Variants in GATAD2B observed in about 807,000 individuals in gnomAD.
GATAD2B encodes the protein transcriptional repressor p66-beta.
Under a neutral mutation model 64.3 loss-of-function variants are expected in GATAD2B, and 8 were observed. The ratio of observed to expected loss-of-function variants is 0.12; its 90% CI spans 0.07 to 0.22. The LOEUF (loss-of-function observed/expected upper bound fraction) is 0.22. GATAD2B is among the 10% of genes least tolerant of loss of function. The pLI is 1.00. For missense variants in GATAD2B, 453 were observed against 752.0 expected (o/e 0.60, Z 4.65); for synonymous variants, 281 against 271.3 (o/e 1.04, Z -0.35).
At chr1:153,868,144 T>G (rs146548542) in intron 1 of GATAD2B, among the ~76,000 whole-genome samples, 2,352 of 151,832 alleles carry the variant, frequency 0.015, 36 homozygotes, top group Non-Finnish European at 0.02. Flanking sequence ...GGAGGTTGCA[T>G]TGAGCTGAGA....
rs902588497 is a variant in GATAD2B, at chr1:153,905,300, C to T, written c.-2+17433G>A. Among the ~76,000 whole-genome samples the T allele has an allele frequency of 5.3e-5, 8 of 151,872 alleles. No homozygotes were observed. In the East Asian group the frequency reaches 1.4e-3, roughly 26 times the overall value. ...CTGAGACAGGGAGAATCTCTTGGACCCGGGAGGTGGAGGTTGCAGTGAGCA... is the reference window on the plus strand; with the variant it reads ...CTGAGACAGGGAGAATCTCTTGGACTCGGGAGGTGGAGGTTGCAGTGAGCA... On this transcript the variant is annotated intron_variant, in intron 1 of 10. Coordinates refer to ENST00000368655, the MANE Select transcript of GATAD2B (RefSeq NM_020699.4).
chr1:153,807,094 C>G lies in GATAD2B; in HGVS notation c.*3083G>C, dbSNP rs1279476775. 1 of 152,150 alleles carries G rather than the reference C, an allele frequency of 6.6e-6. No individual in the cohort carries two copies. The highest frequency in any genetic ancestry group is 1.5e-5 in the Non-Finnish European group (1 of 68,032). 9.4% of individuals were successfully genotyped at this position (152,150 alleles called of 1,614,324 possible). A position where few individuals can be genotyped will look rare whatever the true frequency, so the allele number is the denominator to read the frequency against. On this transcript the variant is annotated 3_prime_UTR_variant, in exon 11 of 11. Coordinates refer to ENST00000368655, the MANE Select transcript of GATAD2B (RefSeq NM_020699.4). ...CCTCTGTCCCCTAGTTTTACTCAAG[C>G]CTTACCGCTATTCCACCCATTTCAG...
intron 1 of GATAD2B, among the ~76,000 whole-genome samples, chr1:153,878,837 G>A (rs1449792519): frequency 2.0e-5 from 3 of 147,546 alleles, no homozygotes; most frequent in Admixed American, 6.8e-5. Flanking sequence ...GAGTGCAGTG[G>A]TGCAATCTAG....
At chr1:153,882,034 C>T (rs1384305408) in intron 1 of GATAD2B, among the ~76,000 whole-genome samples, 4 of 151,960 alleles carry the variant, frequency 2.6e-5, no homozygotes, top group Admixed American at 2.6e-4. Flanking sequence ...TGATGCCTAG[C>T]GGGGACAGGA....
intron 1 of GATAD2B, among the ~76,000 whole-genome samples, chr1:153,870,354 G>A (rs1676621187): frequency 2.0e-5 from 3 of 152,110 alleles, no homozygotes; most frequent in Admixed American, 2.0e-4. Context: ...GCAGAATCAC[G>A]AGGTCAGGAG....
intron 1 of GATAD2B, among the ~76,000 whole-genome samples, chr1:153,876,096 C>T (rs1294599555): frequency 2.0e-5 from 3 of 151,780 alleles, no homozygotes; most frequent in African/African-American, 4.8e-5. Flanking sequence ...GGTGTGGTGG[C>T]GCATGCCTGT....
intron 7 of GATAD2B, among the ~76,000 whole-genome samples, chr1:153,815,097 A>AAAAAAAAAAAAAAC (rs1674413186): frequency 7.0e-6 from 1 of 143,602 alleles, no homozygotes; most frequent in Admixed American, 7.0e-5. Flanking sequence ...AAAAAAAAAA[A>AAAAAAAAAAAAAAC]AAAAAAAAAA....
At chr1:153,821,332 A>G (rs1008196625) in intron 2 of GATAD2B, among the ~76,000 whole-genome samples, 2 of 152,076 alleles carry the variant, frequency 1.3e-5, no homozygotes, top group Non-Finnish European at 2.9e-5. Flanking sequence ...GGAATAAGCA[A>G]TTTCCTAACA....
In GATAD2B at chr1:153,896,252, T is replaced by C. The variant is rs185856053; in HGVS notation, c.-2+26481A>G. On this transcript the variant is annotated intron_variant, in intron 1 of 10. Transcript: ENST00000368655. ...ATGAGATGAGGCATAAAACAGATCC[T>C]GGCTCCTAATATTAAGATAGTTGCC... 2.4e-4 allele frequency among the ~76,000 whole-genome samples: 36 copies of C among 152,216 alleles called. 1 individual carries two copies. Among genetic ancestry groups the C allele is most frequent in the Admixed American group, 1.7e-3 (26 of 15,254 alleles).
At chr1:153,824,614 A>AAG (rs1674805547) in intron 2 of GATAD2B, among the ~76,000 whole-genome samples, 1 of 118,640 alleles carries the variant, frequency 8.4e-6, no homozygotes, top group African/African-American at 2.7e-5. Context: ...TCTGCCTTTA[A>AAG]AAAAAAAAAA....
intron 1 of GATAD2B, among the ~76,000 whole-genome samples, chr1:153,849,922 A>G (rs1049337524): frequency 1.3e-5 from 2 of 152,152 alleles, no homozygotes; most frequent in African/African-American, 4.8e-5. Context: ...ATGAGCTACC[A>G]TGCCTGGCTG....
chr1:153,876,388 T>TAA (rs1432792758), intron 1 of GATAD2B, among the ~76,000 whole-genome samples: 1 of 152,130 alleles, frequency 6.6e-6, no homozygotes, highest in Non-Finnish European at 1.5e-5. Context: ...ACCAGACTGG[T>TAA]AAGAGAGTAA....
intron 2 of GATAD2B, among the ~76,000 whole-genome samples, chr1:153,825,637 G>C (rs1674849586): frequency 6.6e-6 from 1 of 152,116 alleles, no homozygotes; most frequent in African/African-American, 2.4e-5. Flanking sequence ...TGTTGGCCAG[G>C]CTGGTCTCAA....
intron 1 of GATAD2B, among the ~76,000 whole-genome samples, chr1:153,842,258 G>A (rs1675523378): frequency 6.6e-6 from 1 of 152,148 alleles, no homozygotes; most frequent in Non-Finnish European, 1.5e-5. Context: ...TTTGCCATCT[G>A]TAATTCTCTT....
intron 1 of GATAD2B, among the ~76,000 whole-genome samples, chr1:153,911,262 G>T (rs539851041): frequency 5.3e-5 from 8 of 151,904 alleles, no homozygotes; most frequent in East Asian, 1.9e-4. Context: ...AGAATGGTTG[G>T]TTTTTTTTAA....
At chr1:153,830,081 G>A (rs1438263866) in intron 1 of GATAD2B, among the ~76,000 whole-genome samples, 2 of 152,146 alleles carry the variant, frequency 1.3e-5, no homozygotes. Context: ...GGGTGACAGA[G>A]TGAAACTGTC....
intron 1 of GATAD2B, among the ~76,000 whole-genome samples, chr1:153,879,055 T>A (rs1050069981): frequency 2.6e-5 from 4 of 152,078 alleles, no homozygotes; most frequent in Non-Finnish European, 5.9e-5. Context: ...TTCTCCTGCC[T>A]CAGCCTCCCG....
At chr1:153,921,888 T>G (rs1678445650) in intron 1 of GATAD2B, 1 of 152,114 alleles carries the variant, frequency 6.6e-6, no homozygotes, top group South Asian at 2.1e-4. Context: ...CACCTGAACC[T>G]CTGCACTCGC....
chr1:153,915,164 C>T (rs1246819315), intron 1 of GATAD2B, among the ~76,000 whole-genome samples: 2 of 152,188 alleles, frequency 1.3e-5, no homozygotes, highest in African/African-American at 2.4e-5. Flanking sequence ...CGGTGGCTCA[C>T]GCCTGTAATC....
Sources: gnomAD v4.1 joint callset for allele counts (sites outside exome capture counted in the v4.1 genomes callset) on GRCh38, gnomAD v4.1.1 for gene constraint, MANE v1.5 for transcripts, NCBI Gene and HGNC (gene_info 2026-07-23, HGNC 2026-07-21) for gene names.